Variants in MGAT4C observed in about 807,000 individuals in gnomAD.
MGAT4C encodes the protein MGAT4 family member C, also known as alpha-1,3-mannosyl-glycoprotein 4-beta-N-acetylglucosaminyltransferase C.
A neutral mutation model predicts 40.1 loss-of-function variants in MGAT4C; 19 were observed. The observed-to-expected ratio is 0.47, with a 90% CI of 0.33 to 0.70. MGAT4C has a LOEUF of 0.70. Ranked by LOEUF, MGAT4C falls within the 30% of genes least tolerant of loss-of-function variation. The pLI is 0.02. For missense variants in MGAT4C, 491 were observed against 563.2 expected, an observed-to-expected ratio of 0.87 and a Z score of 1.30; for synonymous variants, 181 against 187.1, an observed-to-expected ratio of 0.97 and a Z score of 0.27.
intron 4 of MGAT4C, among the ~76,000 whole-genome samples, chr12:86,263,469 T>C (rs1190918909): frequency 6.6e-6 from 1 of 152,186 alleles, no homozygotes; most frequent in African/African-American, 2.4e-5. Flanking sequence ...TCAGATAATG[T>C]CCTCCAATTT....
intron 1 of MGAT4C, among the ~76,000 whole-genome samples, chr12:86,778,151 G>A (rs936161568): frequency 1.3e-5 from 2 of 152,040 alleles, no homozygotes; most frequent in South Asian, 2.1e-4. Flanking sequence ...TAATACTCTC[G>A]TAAGCAAGAC....
At chr12:86,105,763 T>G (rs1279526438) in intron 1 of MGAT4C, among the ~76,000 whole-genome samples, 3 of 152,210 alleles carry the variant, frequency 2.0e-5, no homozygotes, top group Non-Finnish European at 2.9e-5. Context: ...TAAAGTAATA[T>G]ATTTCTACTC....
intron 4 of MGAT4C, among the ~76,000 whole-genome samples, chr12:86,300,416 G>T (rs1014290477): frequency 1.3e-5 from 2 of 152,006 alleles, no homozygotes; most frequent in Non-Finnish European, 2.9e-5. Flanking sequence ...ATAATAAATT[G>T]TACATGGCCA....
chr12:86,075,127 A>G lies in MGAT4C; in HGVS notation c.-56-25404T>C, dbSNP rs1445793275. Among the ~76,000 whole-genome samples the G allele has an allele frequency of 2.0e-5, 3 of 152,194 alleles. No homozygotes were observed. In the East Asian group the frequency reaches 5.8e-4, roughly 29 times the overall value. ...ATAAGGCAAGTTGCTTCCACCTATG[A>G]GCCTGTAATATCAAAAGCGAGCTTG... On this transcript the variant is annotated intron_variant, in intron 1 of 4. Coordinates refer to ENST00000611864, the MANE Select transcript of MGAT4C (RefSeq NM_001351288.2).
chr12:86,727,947 T>C (rs1950850713), intron 1 of MGAT4C, among the ~76,000 whole-genome samples: 1 of 152,110 alleles, frequency 6.6e-6, no homozygotes, highest in Non-Finnish European at 1.5e-5. Flanking sequence ...GCAATTTAAC[T>C]GAAGAAGCTC....
At chr12:86,053,467 C>T (rs1011136669) in intron 1 of MGAT4C, among the ~76,000 whole-genome samples, 1 of 151,732 alleles carries the variant, frequency 6.6e-6, no homozygotes, top group Admixed American at 6.6e-5. Context: ...TTCTAAGACC[C>T]CCTTTCCAAG....
chr12:86,079,169 G>T (rs758240306), intron 1 of MGAT4C, among the ~76,000 whole-genome samples: 1 of 152,134 alleles, frequency 6.6e-6, no homozygotes, highest in Non-Finnish European at 1.5e-5. Flanking sequence ...TGGTTGAAAG[G>T]AGTAGCATTT....
chr12:86,680,062 C>T (rs1949951605), intron 2 of MGAT4C, among the ~76,000 whole-genome samples: 1 of 151,876 alleles, frequency 6.6e-6, no homozygotes, highest in East Asian at 1.9e-4. Flanking sequence ...TGTGTAATTT[C>T]CTTGTGTATG....
At chr12:86,006,340 A>T (rs532973190) in intron 2 of MGAT4C, among the ~76,000 whole-genome samples, 30 of 152,154 alleles carry the variant, frequency 2.0e-4, no homozygotes, top group African/African-American at 7.2e-4. Flanking sequence ...CTAACCATTA[A>T]TTTTTTTGTT....
chr12:86,786,106 G>A (rs1951927073), intron 1 of MGAT4C, among the ~76,000 whole-genome samples: 1 of 151,888 alleles, frequency 6.6e-6, no homozygotes, highest in Non-Finnish European at 1.5e-5. Flanking sequence ...TACATGTTAG[G>A]AGAACAAAGA....
chr12:86,530,834 T>C (rs898218489), intron 2 of MGAT4C, among the ~76,000 whole-genome samples: 1 of 152,076 alleles, frequency 6.6e-6, no homozygotes, highest in Non-Finnish European at 1.5e-5. Context: ...GAAGAAATAA[T>C]ATATACTCCA....
chr12:86,117,533 G>GA (rs1288500707), intron 1 of MGAT4C, among the ~76,000 whole-genome samples: 3 of 152,098 alleles, frequency 2.0e-5, no homozygotes, highest in Non-Finnish European at 1.5e-5. Context: ...GATAGAGTCA[G>GA]AAAATGCAGA....
At chr12:86,576,354 C>T (rs531248229) in intron 2 of MGAT4C, among the ~76,000 whole-genome samples, 94 of 151,760 alleles carry the variant, frequency 6.2e-4, no homozygotes, top group African/African-American at 2.1e-3. Flanking sequence ...CATTTGTTCA[C>T]GTTTGCTTTG....
chr12:86,317,844 G>A (rs1015686631), intron 4 of MGAT4C, among the ~76,000 whole-genome samples: 2 of 150,890 alleles, frequency 1.3e-5, no homozygotes, highest in Admixed American at 6.7e-5. Context: ...TGCCTTTAGC[G>A]GAAGGATTTT....
chr12:86,301,749 C>T (rs1953817584), intron 4 of MGAT4C, among the ~76,000 whole-genome samples: 1 of 152,126 alleles, frequency 6.6e-6, no homozygotes, highest in African/African-American at 2.4e-5. Context: ...CATATCATGC[C>T]ATATTTCTTC....
At chr12:86,686,525 T>A (rs1214025776) in intron 2 of MGAT4C, among the ~76,000 whole-genome samples, 2 of 152,158 alleles carry the variant, frequency 1.3e-5, no homozygotes, top group Non-Finnish European at 1.5e-5. Flanking sequence ...TACCTAGTTT[T>A]TGAGTGTTTT....
At chr12:86,025,236 T>C (rs1890142876) in intron 2 of MGAT4C, among the ~76,000 whole-genome samples, 2 of 151,648 alleles carry the variant, frequency 1.3e-5, no homozygotes, top group African/African-American at 4.8e-5. Context: ...GAGAGCATAA[T>C]AAAAATCTGC....
intron 4 of MGAT4C, among the ~76,000 whole-genome samples, chr12:86,272,175 C>A (rs929646074): frequency 6.6e-6 from 1 of 152,082 alleles, no homozygotes; most frequent in East Asian, 1.9e-4. Flanking sequence ...GCATTATATA[C>A]CTGTAACACA....
At chr12:86,385,982 G>A (rs1233500828) in intron 3 of MGAT4C, among the ~76,000 whole-genome samples, 1 of 152,102 alleles carries the variant, frequency 6.6e-6, no homozygotes, top group African/African-American at 2.4e-5. Flanking sequence ...CCAGGCTGGA[G>A]TGCAGTGGCA....
Sources: allele counts gnomAD v4.1 joint callset (sites outside exome capture counted in the v4.1 genomes callset), GRCh38; gene constraint gnomAD v4.1.1; transcripts MANE v1.5; gene names NCBI Gene and HGNC (gene_info 2026-07-23, HGNC 2026-07-21).